NAA15: variants seen among roughly 807,000 people sequenced by gnomAD.
NAA15 encodes N-alpha-acetyltransferase 15, NatA auxiliary subunit.
In NAA15, 34 loss-of-function variants were observed where a neutral mutation model predicts 114.0. That is an observed-to-expected ratio of 0.30 (90% CI 0.23 to 0.40). The LOEUF (loss-of-function observed/expected upper bound fraction) is 0.40, where lower values mean the gene tolerates loss of function less well. Among genes scored for constraint, NAA15 ranks in the 10% least tolerant of loss-of-function variants. The probability of loss-of-function intolerance (pLI) is 1.00; values close to 1 mark genes in which losing one functional copy is unlikely to be tolerated. For synonymous variants in NAA15, 340 were observed against 338.0 expected (o/e 1.01, Z -0.06); for missense variants, 658 against 1,004.5 (o/e 0.66, Z 4.66).
chr4:139,376,217 T>C, intron 15 of NAA15, 148 bp from the exon 16 acceptor site: 1 of 522,492 alleles, frequency 1.9e-6, no homozygotes, highest in South Asian at 2.8e-5. Flanking sequence ...TCCCCTTTTT[T>C]AGGTTATAGG....
At chr4:139,306,097 T>G (rs1464166622) in intron 1 of NAA15, among the ~76,000 whole-genome samples, 1 of 152,232 alleles carries the variant, frequency 6.6e-6, no homozygotes, top group Non-Finnish European at 1.5e-5. Flanking sequence ...TATTTTTCTC[T>G]TTTTTCCAAT....
chr4:139,349,605 A>T lies in NAA15; in HGVS notation c.811+24A>T, dbSNP rs1469420138. The T allele has an allele frequency of 4.4e-6, 7 of 1,575,936 alleles. No homozygotes were observed. The East Asian group carries it at 1.6e-4, about 35-fold the overall frequency. On this transcript the variant is annotated intron_variant, in intron 7 of 19. Coordinates refer to ENST00000296543, the MANE Select transcript of NAA15 (RefSeq NM_057175.5). The stretch of plus-strand genomic sequence containing the variant: ...AGGTAGTATTGTTTAAAACTTACTA[A>T]GTTTTATTGTTTCTTTTGTTAATAT...
chr4:139,364,491 T>G (rs184416607), intron 14 of NAA15, among the ~76,000 whole-genome samples: 2 of 152,316 alleles, frequency 1.3e-5, no homozygotes, highest in East Asian at 3.9e-4. Flanking sequence ...CTCCCCAAAA[T>G]AGACTGCTAT....
intron 6 of NAA15, 45 bp from the exon 7 acceptor site, chr4:139,349,417 G>T (rs965179542): frequency 2.7e-6 from 4 of 1,467,836 alleles, no homozygotes; most frequent in African/African-American, 2.9e-5. Context: ...TAATTGGAAG[G>T]TTTTCTCAGA....
rs142677122 is a variant in NAA15 at position 139,346,654 on chromosome 4, G to A, written c.691+2315G>A. ...CAACCTCCACCTCCCGGGTTCAAGC[G>A]ATTCTGCCTCAGCCTCCCGAGTAGT... On this transcript the variant is annotated intron_variant, in intron 6 of 19. Coordinates refer to ENST00000296543, the MANE Select transcript of NAA15 (RefSeq NM_057175.5). 8.2e-3 allele frequency among the ~76,000 whole-genome samples: 1,252 copies of A among 152,014 alleles called. 18 individuals carry two copies. Among genetic ancestry groups the A allele is most frequent in the African/African-American group, 0.029 (1,200 of 41,458 alleles).
At position 139,378,678 on chromosome 4, in the gene NAA15, C is replaced by G. The variant is rs939083359; in HGVS notation, c.2057-78C>G. ...GTGATCGACTCTAAATTTACTTTTT[C>G]TATTTGTGAAGTCTTGGCCCTCCAA... On this transcript the variant is annotated intron_variant, in intron 16 of 19. Coordinates refer to ENST00000296543, the MANE Select transcript of NAA15 (RefSeq NM_057175.5). 5 of 779,656 alleles carry G rather than the reference C, an allele frequency of 6.4e-6. No individual in the cohort carries two copies. The African/African-American group carries it at 9.2e-5, about 14-fold the overall frequency. The allele number at this position is 779,656 out of a possible 1,614,324, so 48.3% of individuals were successfully genotyped here.
chr4:139,360,779 T>C (rs1352437893), intron 13 of NAA15, 151 bp downstream of exon 13: 3 of 646,394 alleles, frequency 4.6e-6, no homozygotes, highest in Admixed American at 4.1e-5. Flanking sequence ...ATACTGGAAA[T>C]ATAGACTGCA....
chr4:139,317,521 T>G (rs558508568), intron 1 of NAA15, among the ~76,000 whole-genome samples: 58 of 152,254 alleles, frequency 3.8e-4, no homozygotes, highest in Admixed American at 2.0e-4. Context: ...CTCGGAAGGC[T>G]GAGGCAGGAG....
At chr4:139,360,882 T>G (rs1309310083) in intron 13 of NAA15, among the ~76,000 whole-genome samples, 1 of 152,130 alleles carries the variant, frequency 6.6e-6, no homozygotes, top group Non-Finnish European at 1.5e-5. Flanking sequence ...TTTATTGATT[T>G]TTGAACCTTC....
intron 1 of NAA15, among the ~76,000 whole-genome samples, chr4:139,303,113 C>T (rs1745868211): frequency 6.6e-6 from 1 of 152,092 alleles, no homozygotes; most frequent in African/African-American, 2.4e-5. Context: ...GTCCATATGC[C>T]CTACAGATTT....
chr4:139,301,754 G>A lies in NAA15; in HGVS notation c.-24G>A, dbSNP rs1464914830. The A allele has an allele frequency of 6.4e-7, 1 of 1,557,446 alleles. No homozygotes were observed. Among genetic ancestry groups the A allele is most frequent in the Non-Finnish European group, 8.7e-7 (1 of 1,149,944 alleles). On this transcript the variant is annotated 5_prime_UTR_variant, in exon 1 of 20. Coordinates refer to ENST00000296543, the MANE Select transcript of NAA15 (RefSeq NM_057175.5). The stretch of plus-strand genomic sequence containing the variant: ...TGACTGACCGAGCCGGGTGGTGGCG[G>A]GAGCAGCGGGAGCAGCCGGAACGAT...
intron 18 of NAA15, among the ~76,000 whole-genome samples, chr4:139,385,365 A>G (rs1197706523): frequency 1.4e-5 from 2 of 145,850 alleles, no homozygotes; most frequent in African/African-American, 5.2e-5. Context: ...AATAATCACT[A>G]CAAATCAAAG....
chr4:139,329,150 G>A (rs1324180511), intron 1 of NAA15, among the ~76,000 whole-genome samples: 4 of 151,234 alleles, frequency 2.6e-5, no homozygotes, highest in Non-Finnish European at 5.9e-5. Flanking sequence ...CCAAAGTGCT[G>A]AGATTACAGG....
chr4:139,349,650 A>T, intron 7 of NAA15, 69 bp downstream of exon 7: 1 of 1,429,778 alleles, frequency 7.0e-7, no homozygotes, highest in Non-Finnish European at 9.5e-7. Flanking sequence ...TTACTCATTG[A>T]AAAGCACAAC....
At chr4:139,328,073 T>C (rs1414809991) in intron 1 of NAA15, among the ~76,000 whole-genome samples, 3 of 152,174 alleles carry the variant, frequency 2.0e-5, no homozygotes, top group Non-Finnish European at 2.9e-5. Context: ...TCTCTCTCTT[T>C]CATTGAGGTG....
At position 139,344,844 on chromosome 4, in the gene NAA15, A is replaced by G. The variant is rs189395397; in HGVS notation, c.691+505A>G. 3.9e-5 allele frequency among the ~76,000 whole-genome samples: 6 copies of G among 152,318 alleles called. No homozygotes were observed. In the East Asian group the frequency reaches 1.2e-3, roughly 29 times the overall value. On this transcript the variant is annotated intron_variant, in intron 6 of 19. Transcript: ENST00000296543. ...GACACAGAAAGAATATGAGTTCTGGAAGAAAGGGAGACCAGAGATTTGGGT... is the reference window on the plus strand; with the variant it reads ...GACACAGAAAGAATATGAGTTCTGGGAGAAAGGGAGACCAGAGATTTGGGT...
chr4:139,344,289 G>A lies in NAA15; in HGVS notation c.641G>A (p.Cys214Tyr). 1.2e-6 allele frequency: 2 copies of A among 1,612,580 alleles called. No homozygotes were observed. The highest frequency in any genetic ancestry group is 8.5e-7 in the Non-Finnish European group (1 of 1,179,320). ...TATAGAGAAGCTTTGGAACATCTTTGTACCTATGAAAAGCAGATTTGTGAT... is the reference window on the plus strand; with the variant it reads ...TATAGAGAAGCTTTGGAACATCTTTATACCTATGAAAAGCAGATTTGTGAT... The part of the protein sequence containing the change: ...GLYREALEHL[C>Y]TYEKQICDKL... Residue 214 changes from cysteine (C) to tyrosine (Y), a missense_variant, in exon 6 of 20, where the codon TGT becomes TAT. By Grantham distance (194) the Cys-to-Tyr change is radical. This residue lies in a region of NAA15 where 281 missense variants were observed against 389.1 expected (regional missense o/e 0.72). Transcript: ENST00000296543.
At position 139,389,014 on chromosome 4, in the gene NAA15, A is replaced by G. The variant is rs1292358945; in HGVS notation, c.*930A>G. On this transcript the variant is annotated 3_prime_UTR_variant, in exon 20 of 20. Coordinates refer to ENST00000296543, the MANE Select transcript of NAA15 (RefSeq NM_057175.5). ...ACTGATCAAAAGACTAATAGTTAAA[A>G]ACCTCAGCAGGCCTTGTTCACGATA... 6.6e-6 allele frequency: 1 copy of G among 152,512 alleles called. No individual in the cohort carries two copies. The highest frequency in any genetic ancestry group is 1.5e-5 in the Non-Finnish European group (1 of 68,014). 9.4% of individuals were successfully genotyped at this position (152,512 alleles called of 1,614,324 possible). A position where few individuals can be genotyped will look rare whatever the true frequency, so the allele number is the denominator to read the frequency against.
rs561579013 is a variant in NAA15, at chr4:139,379,902, G to A, written c.2155+1048G>A. 1.4e-4 allele frequency among the ~76,000 whole-genome samples: 21 copies of A among 152,084 alleles called. No homozygotes were observed. In the East Asian group the frequency reaches 3.7e-3, roughly 27 times the overall value. On this transcript the variant is annotated intron_variant, in intron 17 of 19. Coordinates refer to ENST00000296543, the MANE Select transcript of NAA15 (RefSeq NM_057175.5). ...CTACCAAAAAATACAAAAATTAGCC[G>A]GCCATGGTGGCACATGCCTGTAGTC...
Sources: allele counts gnomAD v4.1 joint callset (sites outside exome capture counted in the v4.1 genomes callset), GRCh38; gene constraint gnomAD v4.1.1; regional missense constraint gnomAD v4.1.1; transcripts MANE v1.5; gene names NCBI Gene and HGNC (gene_info 2026-07-23, HGNC 2026-07-21).